Variants in UNC80 observed in about 807,000 individuals in gnomAD.
The protein encoded by UNC80 is protein unc-80 homolog.
In UNC80, 164 loss-of-function variants were observed where a neutral mutation model predicts 384.6. The ratio of observed to expected loss-of-function variants is 0.43; its 90% confidence interval spans 0.38 to 0.49. The LOEUF is 0.49. UNC80 is among the 20% of genes least tolerant of loss of function. The pLI, the probability that UNC80 is intolerant of heterozygous loss-of-function variation, is 0.00. For missense variants in UNC80, 3,330 were observed against 4,143.0 expected, an observed-to-expected ratio of 0.80 and a Z score of 5.39; for synonymous variants, 1,486 against 1,527.8, an observed-to-expected ratio of 0.97 and a Z score of 0.64.
At chr2:209,903,476 TA>T (rs2087703456) in intron 28 of UNC80, among the ~76,000 whole-genome samples, 1 of 84,044 alleles carries the variant, frequency 1.2e-5, no homozygotes, top group African/African-American at 4.6e-5. Flanking sequence ...ATATATATAG[TA>T]TATATGTAAT....
intron 10 of UNC80, 80 bp from the exon 11 acceptor site, chr2:209,817,732 G>A (rs1187523955): frequency 9.2e-6 from 14 of 1,513,682 alleles, no homozygotes; most frequent in Admixed American, 2.0e-5. Context: ...TCTCCCTGCT[G>A]TCCTTGGGAA....
At chr2:209,918,471 A>C (rs2089745379) in intron 32 of UNC80, 61 bp from the exon 33 acceptor site, 1 of 1,498,336 alleles carries the variant, frequency 6.7e-7, no homozygotes, top group African/African-American at 1.4e-5. Flanking sequence ...TCATCATTAT[A>C]CTTCAGCCTC....
rs2092523761 is a variant in UNC80 at position 209,959,528 on chromosome 2, C to T, written c.7626C>T (p.Pro2542=). The T allele has an allele frequency of 6.4e-7, 1 of 1,551,682 alleles. No homozygotes were observed. Among genetic ancestry groups the T allele is most frequent in the East Asian group, 2.4e-5 (1 of 40,926 alleles). The change falls in exon 51 of 65, where the codon CCC becomes CCT. Residue 2542 remains proline (P), a synonymous_variant. Coordinates refer to ENST00000673920, the MANE Select transcript of UNC80 (RefSeq NM_001371986.1). The stretch of plus-strand genomic sequence containing the variant: ...TACTGGAGGAAGGGCAAGGCATTCC[C>T]AGAGAGGAACTGGATGAACGAATTG... ...LHLLEEGQGI[P]REELDERIAR...
At chr2:209,838,388 C>T (rs1368904545) in intron 18 of UNC80, among the ~76,000 whole-genome samples, 4 of 151,910 alleles carry the variant, frequency 2.6e-5, no homozygotes, top group Admixed American at 6.6e-5. Flanking sequence ...TTATTGGCCA[C>T]TGGTCTTTTT....
At position 209,992,118 on chromosome 2, in the gene UNC80, T is replaced by C. The variant is rs1434576089; in HGVS notation, c.9315-48T>C. On this transcript the variant is annotated intron_variant, in intron 61 of 64. Transcript: ENST00000673920. ...TTGGCTAACACCCACCAGAGGACAGTCTCCTGTACTCTCTCCGGGGTACAC... is the reference window on the plus strand; with the variant it reads ...TTGGCTAACACCCACCAGAGGACAGCCTCCTGTACTCTCTCCGGGGTACAC... 4 of 1,469,400 alleles carry C rather than the reference T, an allele frequency of 2.7e-6. No homozygotes were observed. The East Asian group carries it at 9.9e-5, about 37-fold the overall frequency. 91.0% of individuals were successfully genotyped at this position (1,469,400 alleles called of 1,614,324 possible). A position where few individuals can be genotyped will look rare whatever the true frequency, so the allele number is the denominator to read the frequency against.
At position 209,944,201 on chromosome 2, in the gene UNC80, G is replaced by T. The variant is rs111856118; in HGVS notation, c.7050+687G>T. ...AACACATAAATAGACCAACTCTACA[G>T]TTTTTTAAATATTCAATTCATAAAA... On this transcript the variant is annotated intron_variant, in intron 45 of 64. Transcript: ENST00000673920. Among the ~76,000 whole-genome samples the T allele has an allele frequency of 2.7e-3, 410 of 152,230 alleles. 3 individuals are homozygous for T. Among genetic ancestry groups the T allele is most frequent in the Non-Finnish European group, 5.0e-3 (337 of 68,024 alleles).
intron 22 of UNC80, among the ~76,000 whole-genome samples, chr2:209,863,050 A>C (rs1475726137): frequency 6.6e-6 from 1 of 152,168 alleles, no homozygotes; most frequent in Admixed American, 6.5e-5. Context: ...ATTCCTCAGC[A>C]TTTGCTTGTT....
At chr2:209,980,791 G>A (rs2093138450) in intron 59 of UNC80, among the ~76,000 whole-genome samples, 1 of 152,186 alleles carries the variant, frequency 6.6e-6, no homozygotes, top group South Asian at 2.1e-4. Flanking sequence ...CTGGTAGACA[G>A]CACATGATTC....
chr2:209,878,651 T>A (rs1031075025), intron 24 of UNC80, among the ~76,000 whole-genome samples: 1 of 152,192 alleles, frequency 6.6e-6, no homozygotes, highest in African/African-American at 2.4e-5. Flanking sequence ...TATAATAGAA[T>A]TTCATCATAG....
intron 7 of UNC80, among the ~76,000 whole-genome samples, chr2:209,804,795 T>A (rs2078789173): frequency 6.7e-6 from 1 of 149,934 alleles, no homozygotes; most frequent in African/African-American, 2.5e-5. Context: ...AGACAAAGTC[T>A]CGCTCTGTCA....
chr2:209,828,451 C>G (rs1288878850), intron 14 of UNC80, among the ~76,000 whole-genome samples: 1 of 151,940 alleles, frequency 6.6e-6, no homozygotes, highest in Non-Finnish European at 1.5e-5. Context: ...GAGATTATAA[C>G]AAAGTTATAC....
At chr2:209,933,480 G>T (rs1057320034) in intron 38 of UNC80, among the ~76,000 whole-genome samples, 5 of 139,792 alleles carry the variant, frequency 3.6e-5, no homozygotes, top group African/African-American at 1.3e-4. Context: ...AATCCAAGCT[G>T]CAAATAGTGC....
chr2:209,822,382 AG>A (rs2080198923), intron 13 of UNC80, among the ~76,000 whole-genome samples: 1 of 152,216 alleles, frequency 6.6e-6, no homozygotes, highest in South Asian at 2.1e-4. Context: ...AGAATCATTC[AG>A]TGATCAGTTA....
chr2:209,915,955 A>C (rs1395963064), intron 31 of UNC80, among the ~76,000 whole-genome samples: 2 of 152,250 alleles, frequency 1.3e-5, no homozygotes, highest in Non-Finnish European at 2.9e-5. Flanking sequence ...TGATCATTAC[A>C]TTCTATTCAT....
chr2:209,778,293 G>A (rs1190113681), intron 4 of UNC80, among the ~76,000 whole-genome samples: 3 of 152,086 alleles, frequency 2.0e-5, no homozygotes, highest in East Asian at 1.9e-4. Context: ...CCAGCTACTC[G>A]GGAGGCTGAG....
chr2:209,935,350 G>A (rs974999905), intron 39 of UNC80, among the ~76,000 whole-genome samples: 3 of 152,084 alleles, frequency 2.0e-5, no homozygotes, highest in South Asian at 2.1e-4. Flanking sequence ...GGCCTAGCGC[G>A]GTGGCTCACT....
Position 209,820,487 on chromosome 2 carries a change from G to C in UNC80, c.2139G>C (p.Glu713Asp). The part of the protein sequence containing the change: ...ENETLEKRPS[E>D]GAFQFKGVSG... ...AGACCTTGGAAAAGAGGCCAAGTGA[G>C]GGAGCTTTCCAATTCAAAGGAGTAT... The change falls in exon 13 of 65, where the codon GAG (glutamate) becomes GAC (aspartate). Residue 713 changes from glutamate (E) to aspartate (D), a missense_variant. Physicochemically the swap from Glu to Asp is conservative, Grantham distance 45. Coordinates refer to ENST00000673920, the MANE Select transcript of UNC80 (RefSeq NM_001371986.1). 6.4e-7 allele frequency: 1 copy of C among 1,551,648 alleles called. No homozygotes were observed.
intron 34 of UNC80, 129 bp downstream of exon 34, chr2:209,921,815 C>A: frequency 8.9e-7 from 1 of 1,128,198 alleles, no homozygotes; most frequent in Non-Finnish European, 1.2e-6. Context: ...CACTTCCTGA[C>A]GCTAACCAAA....
At chr2:209,959,436 C>A in intron 50 of UNC80, 53 bp from the exon 51 acceptor site, 1 of 1,501,554 alleles carries the variant, frequency 6.7e-7, no homozygotes, top group Non-Finnish European at 9.1e-7. Flanking sequence ...CTTCTCACAG[C>A]TGCTACATGA....
Sources: allele counts gnomAD v4.1 joint callset (sites outside exome capture counted in the v4.1 genomes callset), GRCh38; gene constraint gnomAD v4.1.1; transcripts MANE v1.5; gene names NCBI Gene and HGNC (gene_info 2026-07-23, HGNC 2026-07-21).